The following MGRN1 variants were observed in gnomAD, a reference collection of about 807,000 sequenced individuals.
The protein encoded by MGRN1 is E3 ubiquitin-protein ligase MGRN1.
In MGRN1, 29 loss-of-function variants were observed where a neutral mutation model predicts 69.2. The observed-to-expected ratio is 0.42, with a 90% CI of 0.31 to 0.57. The LOEUF is 0.57. Ranked by LOEUF, MGRN1 falls within the 20% of genes least tolerant of loss-of-function variation. The pLI is 0.15. For synonymous variants in MGRN1, 470 were observed against 344.2 expected (o/e 1.37, Z -4.04); for missense variants, 998 against 796.2 (o/e 1.25, Z -3.05).
At position 4,661,267 on chromosome 16, in the gene MGRN1, C is replaced by G. The variant is rs143413809; in HGVS notation, c.562-3442C>G. Among the ~76,000 whole-genome samples, 338 of 152,298 alleles carry G rather than the reference C, an allele frequency of 2.2e-3. 2 individuals are homozygous for G. Among genetic ancestry groups the G allele is most frequent in the African/African-American group, 7.7e-3 (321 of 41,554 alleles). ...GTGTTGGGATTATAGGCGTGAGCCA[C>G]CACGTCAGGCCCACCAGTCTGCAGC... is the stretch of plus-strand genomic sequence containing the variant. On this transcript the variant is annotated intron_variant, in intron 5 of 16. Transcript: ENST00000262370.
At chr16:4,681,896 C>T (rs2079189968) in intron 13 of MGRN1, 120 bp downstream of exon 13, 5 of 1,001,070 alleles carry the variant, frequency 5.0e-6, no homozygotes, top group Non-Finnish European at 5.7e-6. Context: ...CCCAGAAGGA[C>T]TCGGAGACCC....
chr16:4,657,222 C>T (rs770645519), intron 4 of MGRN1, 24 bp from the exon 5 acceptor site: 1 of 1,606,756 alleles, frequency 6.2e-7, no homozygotes, highest in African/African-American at 1.3e-5. Context: ...CGCAGCCTCA[C>T]TGCTTGCTCC....
intron 11 of MGRN1, among the ~76,000 whole-genome samples, chr16:4,677,822 G>A (rs1043879970): frequency 6.2e-5 from 9 of 144,168 alleles, no homozygotes; most frequent in African/African-American, 2.1e-4. Context: ...TCGAGGTCTC[G>A]GTGGAGCCAG....
chr16:4,683,953 G>A lies in MGRN1; in HGVS notation c.1618+21G>A, dbSNP rs1206879950. On this transcript the variant is annotated intron_variant, in intron 16 of 16. Transcript: ENST00000262370. ...GCCAGGTAAGGGGCTGGGGGTCTGG[G>A]GGTGAGGGGCTGGGTGCCTGTCTTA... The A allele has an allele frequency of 3.9e-6, 6 of 1,525,232 alleles. No homozygotes were observed. The South Asian group carries it at 4.8e-5, about 12-fold the overall frequency. The allele number at this position is 1,525,232 out of a possible 1,614,324, so 94.5% of individuals were successfully genotyped here.
chr16:4,632,689 G>A (rs1018341399), intron 1 of MGRN1, among the ~76,000 whole-genome samples: 8 of 152,174 alleles, frequency 5.3e-5, no homozygotes, highest in South Asian at 4.2e-4. Flanking sequence ...CCACCGTGCC[G>A]GGACCAGTGG....
intron 7 of MGRN1, among the ~76,000 whole-genome samples, chr16:4,665,908 C>T (rs1439860134): frequency 6.6e-6 from 1 of 151,856 alleles, no homozygotes; most frequent in Non-Finnish European, 1.5e-5. Context: ...TGTCTCACTG[C>T]AGCCTACGCC....
chr16:4,640,365 G>A (rs1448486964), intron 1 of MGRN1: 1 of 152,296 alleles, frequency 6.6e-6, no homozygotes, highest in Non-Finnish European at 1.5e-5. Flanking sequence ...GGAGAGCATT[G>A]AGGCTGTTCG....
chr16:4,652,968 G>A (rs2078442884), intron 4 of MGRN1, 144 bp downstream of exon 4: 1 of 1,157,600 alleles, frequency 8.6e-7, no homozygotes, highest in Non-Finnish European at 1.1e-6. Flanking sequence ...GATGTGAGGG[G>A]TTTCTCCCAC....
At chr16:4,650,096 C>G (rs891886413) in intron 1 of MGRN1, 8 of 268,388 alleles carry the variant, frequency 3.0e-5, no homozygotes, top group Non-Finnish European at 5.7e-5. Flanking sequence ...TGAGGCCGGG[C>G]ATTGGAGACC....
At chr16:4,663,377 T>G (rs1212031220) in intron 5 of MGRN1, among the ~76,000 whole-genome samples, 1 of 134,182 alleles carries the variant, frequency 7.5e-6, no homozygotes, top group African/African-American at 2.5e-5. Context: ...TTTTTTTTTT[T>G]TTTTTTTTTT....
At chr16:4,658,533 C>G (rs1427082206) in intron 5 of MGRN1, among the ~76,000 whole-genome samples, 2 of 109,912 alleles carry the variant, frequency 1.8e-5, no homozygotes. Context: ...GAGATTCCGT[C>G]TCAGAAAAAA....
intron 1 of MGRN1, among the ~76,000 whole-genome samples, chr16:4,642,661 T>C (rs1372689935): frequency 3.9e-5 from 6 of 151,998 alleles, no homozygotes; most frequent in Non-Finnish European, 7.4e-5. Flanking sequence ...GACTTTCCCA[T>C]GTTGGCCAGG....
chr16:4,650,632 G>A (rs950408707), intron 2 of MGRN1, 149 bp downstream of exon 2: 3 of 613,624 alleles, frequency 4.9e-6, no homozygotes, highest in South Asian at 2.4e-5. Context: ...GAGCTTGGGT[G>A]TGGGCACGTG....
rs544247917 is a variant in MGRN1, at chr16:4,645,486, A to G, written c.89-4879A>G. On this transcript the variant is annotated intron_variant, in intron 1 of 16. Coordinates refer to ENST00000262370, the MANE Select transcript of MGRN1 (RefSeq NM_015246.4). ...TAATTACTTTCTCTGAAGTTATTGA[A>G]GCTTAAAACTACATACAGTAAGATC... Among the ~76,000 whole-genome samples, 8 of 152,300 alleles carry G rather than the reference A, an allele frequency of 5.3e-5. No individual in the cohort carries two copies. The South Asian group carries it at 1.7e-3, about 32-fold the overall frequency.
intron 7 of MGRN1, among the ~76,000 whole-genome samples, chr16:4,665,704 C>T (rs145174303): frequency 6.7e-6 from 1 of 148,706 alleles, no homozygotes; most frequent in Non-Finnish European, 1.5e-5. Context: ...GAGTCTCACC[C>T]TGTCATCCAG....
intron 5 of MGRN1, among the ~76,000 whole-genome samples, chr16:4,660,264 T>A (rs1254621934): frequency 6.6e-6 from 1 of 152,208 alleles, no homozygotes; most frequent in East Asian, 1.9e-4. Context: ...GGTTTGCCCC[T>A]CTGTAGACTG....
At chr16:4,630,309 T>G (rs1321434284) in intron 1 of MGRN1, among the ~76,000 whole-genome samples, 4 of 147,014 alleles carry the variant, frequency 2.7e-5, no homozygotes, top group Admixed American at 1.4e-4. Flanking sequence ...GAGCCGAGAT[T>G]ATGCCACTGC....
intron 2 of MGRN1, 94 bp downstream of exon 2, chr16:4,650,577 C>G: frequency 1.0e-6 from 1 of 982,874 alleles, no homozygotes; most frequent in East Asian, 2.6e-5. Flanking sequence ...AAGCAGGCAC[C>G]AAATCACCCC....
chr16:4,679,354 G>A (rs866956689), intron 11 of MGRN1, among the ~76,000 whole-genome samples: 1 of 152,170 alleles, frequency 6.6e-6, no homozygotes, highest in Non-Finnish European at 1.5e-5. Flanking sequence ...GGGGTCCGAG[G>A]TGTGACCAGG....
Sources: allele counts gnomAD v4.1 joint callset (sites outside exome capture counted in the v4.1 genomes callset), GRCh38; gene constraint gnomAD v4.1.1; transcripts MANE v1.5; gene names NCBI Gene and HGNC (gene_info 2026-07-23, HGNC 2026-07-21).